The following EDN1 variants were observed in gnomAD, a reference collection of about 807,000 sequenced individuals.
EDN1 encodes the protein endothelin 1.
Under a neutral mutation model 21.7 loss-of-function variants are expected in EDN1, and 11 were observed. The observed-to-expected ratio is 0.51, with a 90% CI of 0.32 to 0.84. The LOEUF (loss-of-function observed/expected upper bound fraction) is 0.84, where lower values mean the gene tolerates loss of function less well. Among genes scored for constraint, EDN1 ranks in the 40% least tolerant of loss-of-function variants. The pLI, the probability that EDN1 is intolerant of heterozygous loss-of-function variation, is 0.03. For missense variants in EDN1, 244 were observed against 262.3 expected (o/e 0.93, Z 0.48); for synonymous variants, 85 against 90.6 (o/e 0.94, Z 0.35).
chr6:12,254,022 TG>T, the EDN1 span, among the ~76,000 whole-genome samples: 1 of 152,108 alleles, frequency 6.6e-6, no homozygotes, highest in Non-Finnish European at 1.5e-5. Flanking sequence ...GCCTCCTGCT[TG>T]TTTTCATCAA....
chr6:12,290,419 T>A lies in EDN1; in HGVS notation c.-211T>A, dbSNP rs1465556076. The A allele has an allele frequency of 1.7e-6, 1 of 590,480 alleles. No homozygotes were observed. Among genetic ancestry groups the A allele is most frequent in the East Asian group, 2.9e-5 (1 of 34,484 alleles). 36.6% of individuals were successfully genotyped at this position (590,480 alleles called of 1,614,324 possible). On this transcript the variant is annotated 5_prime_UTR_variant, in exon 1 of 5. Coordinates refer to ENST00000379375, the MANE Select transcript of EDN1 (RefSeq NM_001955.5). ...GTCCTGCGCCTCCTGCAGTCCCAGCTCTCCACCGCCGCGTGCGCCTGCAGA... is the reference window on the plus strand; with the variant it reads ...GTCCTGCGCCTCCTGCAGTCCCAGCACTCCACCGCCGCGTGCGCCTGCAGA...
chr6:12,231,259 T>C, the EDN1 span, among the ~76,000 whole-genome samples: 5 of 152,164 alleles, frequency 3.3e-5, no homozygotes, highest in Non-Finnish European at 7.4e-5. Flanking sequence ...GGGAGCCACA[T>C]TTTTTGCTTG....
chr6:12,281,084 G>T, the EDN1 span, among the ~76,000 whole-genome samples: 1 of 152,144 alleles, frequency 6.6e-6, no homozygotes, highest in African/African-American at 2.4e-5. Context: ...GGAAGAGCTC[G>T]TGTGCTCAGC....
upstream of EDN1, among the ~76,000 whole-genome samples, chr6:12,288,074 G>T (rs1762593364): frequency 6.6e-6 from 1 of 152,048 alleles, no homozygotes; most frequent in African/African-American, 2.4e-5. Flanking sequence ...GCCTCAGCAA[G>T]GTGGGGTGGC....
At chr6:12,243,293 G>GGAGGAGGAGGA in the EDN1 span, among the ~76,000 whole-genome samples, 1 of 145,906 alleles carries the variant, frequency 6.9e-6, no homozygotes, top group Non-Finnish European at 1.5e-5. Flanking sequence ...GTAAAGAGGA[G>GGAGGAGGAGGA]GAGGAGGAGG....
At chr6:12,266,588 A>G in the EDN1 span, among the ~76,000 whole-genome samples, 1 of 152,184 alleles carries the variant, frequency 6.6e-6, no homozygotes, top group South Asian at 2.1e-4. Context: ...GTGGGAACCC[A>G]TGGTGTGCAC....
the EDN1 span, among the ~76,000 whole-genome samples, chr6:12,246,947 C>T: frequency 6.6e-6 from 1 of 152,320 alleles, no homozygotes; most frequent in African/African-American, 2.4e-5. Flanking sequence ...TATGTACTTA[C>T]TTTCATTACA....
At chr6:12,243,304 AGAG>A in the EDN1 span, among the ~76,000 whole-genome samples, 304 of 96,934 alleles carry the variant, frequency 3.1e-3, 2 homozygotes, top group African/African-American at 0.01. Context: ...GAGGAGGAGG[AGAG>A]GAGGAGGAGG....
chr6:12,251,674 G>A, the EDN1 span, among the ~76,000 whole-genome samples: 1 of 152,070 alleles, frequency 6.6e-6, no homozygotes, highest in Non-Finnish European at 1.5e-5. Context: ...AAATCTTTTC[G>A]AACCGATACG....
chr6:12,250,844 C>T, the EDN1 span, among the ~76,000 whole-genome samples: 1 of 152,178 alleles, frequency 6.6e-6, no homozygotes, highest in Non-Finnish European at 1.5e-5. Context: ...GTCAAGGACT[C>T]CCTAAGCCCA....
chr6:12,234,136 T>A, the EDN1 span, among the ~76,000 whole-genome samples: 11 of 152,212 alleles, frequency 7.2e-5, no homozygotes, highest in Non-Finnish European at 1.5e-5. Flanking sequence ...ATTCACTACT[T>A]TTGTGGTTAG....
At chr6:12,286,534 T>C (rs1439467610), upstream of EDN1, among the ~76,000 whole-genome samples, 1 of 152,222 alleles carries the variant, frequency 6.6e-6, no homozygotes, top group East Asian at 1.9e-4. Context: ...TACTTCCTCA[T>C]TCTTTGTGTG....
the EDN1 span, among the ~76,000 whole-genome samples, chr6:12,233,193 C>T: frequency 6.6e-6 from 1 of 152,324 alleles, no homozygotes; most frequent in East Asian, 1.9e-4. Flanking sequence ...ATTCTGTCTC[C>T]AAGCCTAGCC....
chr6:12,250,240 T>G, the EDN1 span, among the ~76,000 whole-genome samples: 2 of 152,052 alleles, frequency 1.3e-5, no homozygotes, highest in Admixed American at 6.6e-5. Flanking sequence ...GTTAATGGCC[T>G]AAGTTAGATT....
chr6:12,248,536 T>G, the EDN1 span, among the ~76,000 whole-genome samples: 1 of 152,206 alleles, frequency 6.6e-6, no homozygotes, highest in Non-Finnish European at 1.5e-5. Flanking sequence ...TAAATATCCT[T>G]GTGAACTAAG....
At position 12,293,896 on chromosome 6, in the gene EDN1, C is replaced by A; in HGVS notation, c.234-45C>A. On this transcript the variant is annotated intron_variant, in intron 2 of 4. Transcript: ENST00000379375. ...GTGTGTCCATGTGTCATTTTAAAGACTATTAATTACACTAATATAGTTTCT... is the reference window on the plus strand; with the variant it reads ...GTGTGTCCATGTGTCATTTTAAAGAATATTAATTACACTAATATAGTTTCT... 3 of 1,600,912 alleles carry A rather than the reference C, an allele frequency of 1.9e-6. 1 individual carries two copies.
chr6:12,265,950 C>G, the EDN1 span, among the ~76,000 whole-genome samples: 1 of 152,196 alleles, frequency 6.6e-6, no homozygotes, highest in Non-Finnish European at 1.5e-5. Context: ...TCCCTTATTT[C>G]CCAATGACTC....
chr6:12,261,348 A>T, the EDN1 span, among the ~76,000 whole-genome samples: 1 of 152,238 alleles, frequency 6.6e-6, no homozygotes, highest in African/African-American at 2.4e-5. Context: ...AAATTGAAGG[A>T]TACAAACAGG....
At chr6:12,291,224 C>T (rs867088123) in intron 1 of EDN1, among the ~76,000 whole-genome samples, 32 of 100,940 alleles carry the variant, frequency 3.2e-4, no homozygotes, top group Non-Finnish European at 4.2e-4. Flanking sequence ...GCCTCCCCCC[C>T]CCCCCGCCAC....
Sources: gnomAD v4.1 joint callset for allele counts (sites outside exome capture counted in the v4.1 genomes callset) on GRCh38, gnomAD v4.1.1 for gene constraint, MANE v1.5 for transcripts, NCBI Gene and HGNC (gene_info 2026-07-23, HGNC 2026-07-21) for gene names.